BCL2L13: variants seen among roughly 807,000 people sequenced by gnomAD.
BCL2L13 encodes BCL2 like 13.
Under a neutral mutation model 25.8 loss-of-function variants are expected in BCL2L13, and 13 were observed. The ratio of observed to expected loss-of-function variants is 0.50; its 90% CI spans 0.33 to 0.80. BCL2L13 has a LOEUF of 0.80. BCL2L13 is among the 30% of genes least tolerant of loss of function. The pLI, the probability that BCL2L13 is intolerant of heterozygous loss-of-function variation, is 0.02. For synonymous variants in BCL2L13, 244 were observed against 230.3 expected (o/e 1.06, Z -0.54); for missense variants, 504 against 574.9 (o/e 0.88, Z 1.26).
intron 6 of BCL2L13, among the ~76,000 whole-genome samples, chr22:17,721,829 T>A (rs1388658113): frequency 6.6e-6 from 1 of 151,306 alleles, no homozygotes; most frequent in African/African-American, 2.4e-5. Flanking sequence ...CCCGGCTAAT[T>A]TTTTATGTTT....
chr22:17,638,955 G>A (rs1298133937), intron 1 of BCL2L13, 69 bp downstream of exon 1: 3 of 1,178,392 alleles, frequency 2.5e-6, no homozygotes, highest in Non-Finnish European at 3.2e-6. Context: ...GTAGGAAAGT[G>A]CCCAGAGACC....
chr22:17,723,179 T>A (rs575173847), intron 6 of BCL2L13, among the ~76,000 whole-genome samples: 1 of 151,914 alleles, frequency 6.6e-6, no homozygotes, highest in South Asian at 2.1e-4. Flanking sequence ...TCTCCCTCTC[T>A]CCCTCTCTCT....
Position 17,631,664 on chromosome 22 carries a change from GTGTGTGTATATA to G in BCL2L13, c.-650+2661_-650+2672del, listed in dbSNP as rs1395748461. Among the ~76,000 whole-genome samples the G allele has an allele frequency of 5.2e-3, 140 of 26,874 alleles. 5 individuals carry two copies. The highest frequency in any genetic ancestry group is 0.014 in the African/African-American group (102 of 7,438). 17.6% of individuals were successfully genotyped at this position (26,874 alleles called of 152,430 possible). A position where few individuals can be genotyped will look rare whatever the true frequency, so the allele number is the denominator to read the frequency against. ...ATGGTACGTGTGTGTATGTATGTGTGTGTGTGTATATATATATATATATATATATATATATAT... is the reference window on the plus strand; with the variant it reads ...ATGGTACGTGTGTGTATGTATGTGTGTATATATATATATATATATATATAT... On this transcript the variant is annotated intron_variant, in intron 1 of 6. Coordinates refer to the BCL2L13 transcript ENST00000399782.
At chr22:17,712,074 G>A (rs2060779156) in intron 6 of BCL2L13, among the ~76,000 whole-genome samples, 3 of 151,776 alleles carry the variant, frequency 2.0e-5, no homozygotes, top group African/African-American at 4.8e-5. Context: ...ACTAGGAAGA[G>A]TACACTGTTT....
intron 6 of BCL2L13, chr22:17,706,652 T>C: frequency 7.8e-7 from 1 of 1,284,190 alleles, no homozygotes; most frequent in Non-Finnish European, 1.0e-6. Context: ...TAGTTTCAGT[T>C]TTGACTTTTA....
intron 4 of BCL2L13, among the ~76,000 whole-genome samples, chr22:17,695,003 C>T (rs1255920889): frequency 2.6e-5 from 4 of 151,856 alleles, no homozygotes; most frequent in African/African-American, 7.3e-5. Context: ...GAGAAAAGTT[C>T]CTTTGGCGTC....
chr22:17,636,956 A>G (rs1487925143), upstream of BCL2L13, among the ~76,000 whole-genome samples: 1 of 152,188 alleles, frequency 6.6e-6, no homozygotes. Context: ...AAGTGTACAT[A>G]CAGTGAACTG....
At chr22:17,715,404 A>G (rs2060919668) in intron 6 of BCL2L13, among the ~76,000 whole-genome samples, 1 of 149,552 alleles carries the variant, frequency 6.7e-6, no homozygotes, top group Non-Finnish European at 1.5e-5. Context: ...GTAGTCTCGA[A>G]CTCCTGGGCT....
At chr22:17,702,628 C>T (rs1162198857) in intron 6 of BCL2L13, 5 of 320,090 alleles carry the variant, frequency 1.6e-5, no homozygotes, top group Non-Finnish European at 1.7e-5. Flanking sequence ...CTATCCCGTA[C>T]TTTTTGATAT....
At chr22:17,673,845 GTC>G (rs1256737216) in intron 2 of BCL2L13, among the ~76,000 whole-genome samples, 2 of 151,708 alleles carry the variant, frequency 1.3e-5, no homozygotes, top group East Asian at 3.9e-4. Context: ...TTTTTTAAGT[GTC>G]TCCTCTCCCT....
chr22:17,671,971 C>T (rs994070640), intron 2 of BCL2L13, among the ~76,000 whole-genome samples: 1 of 152,224 alleles, frequency 6.6e-6, no homozygotes, highest in Non-Finnish European at 1.5e-5. Context: ...GCCTTGGCCT[C>T]CCAGAATGCT....
At chr22:17,715,120 TTTTATATATATATATATATATATATATA>T (rs1378600875) in intron 6 of BCL2L13, among the ~76,000 whole-genome samples, 18 of 83,606 alleles carry the variant, frequency 2.2e-4, no homozygotes, top group African/African-American at 7.7e-4. Context: ...TCAGTGTTAA[TTTTATATATATATATATATATATATATA>T]TATATATATA....
At chr22:17,663,017 C>G (rs556493014) in intron 2 of BCL2L13, among the ~76,000 whole-genome samples, 3 of 151,902 alleles carry the variant, frequency 2.0e-5, no homozygotes, top group African/African-American at 7.3e-5. Flanking sequence ...ACCACAGGTG[C>G]GCACCACCAT....
intron 1 of BCL2L13, among the ~76,000 whole-genome samples, chr22:17,644,302 TC>T (rs1410293610): frequency 6.6e-6 from 1 of 151,054 alleles, no homozygotes; most frequent in African/African-American, 2.5e-5. Flanking sequence ...ATAGTTGTGT[TC>T]AACTCTGTAT....
chr22:17,706,756 T>G, intron 6 of BCL2L13: 1 of 1,352,106 alleles, frequency 7.4e-7, no homozygotes, highest in South Asian at 1.1e-5. Flanking sequence ...TCTCTTTTCA[T>G]TTCCTGGGCT....
At chr22:17,706,816 G>A in intron 6 of BCL2L13, 4 of 1,352,124 alleles carry the variant, frequency 3.0e-6, no homozygotes, top group Non-Finnish European at 3.9e-6. Flanking sequence ...GGCAGAGCAA[G>A]TCCACTGTGG....
chr22:17,655,111 A>G (rs1040760261), intron 1 of BCL2L13, among the ~76,000 whole-genome samples: 2 of 151,786 alleles, frequency 1.3e-5, no homozygotes, highest in African/African-American at 4.8e-5. Flanking sequence ...AAAAACTAAG[A>G]CACAAACAGA....
At chr22:17,636,845 C>CA, upstream of BCL2L13, among the ~76,000 whole-genome samples, 1 of 152,082 alleles carries the variant, frequency 6.6e-6, no homozygotes, top group South Asian at 2.1e-4. Flanking sequence ...AGACTGAGAG[C>CA]AATGTGAAAG....
At chr22:17,668,722 C>T (rs1481650020) in intron 2 of BCL2L13, among the ~76,000 whole-genome samples, 2 of 152,164 alleles carry the variant, frequency 1.3e-5, no homozygotes, top group Admixed American at 1.3e-4. Flanking sequence ...GCCTTGGCCT[C>T]CCAAAGTGCT....
Sources: gnomAD v4.1 joint callset for allele counts (sites outside exome capture counted in the v4.1 genomes callset) on GRCh38, gnomAD v4.1.1 for gene constraint, MANE v1.5 for transcripts, NCBI Gene and HGNC (gene_info 2026-07-23, HGNC 2026-07-21) for gene names.